The following AP3B1 variants were observed in gnomAD, a reference collection of about 807,000 sequenced individuals.
AP3B1 encodes the protein adaptor related protein complex 3 subunit beta 1.
In AP3B1, 61 loss-of-function variants were observed where a neutral mutation model predicts 132.5. The observed-to-expected ratio is 0.46, with a 90% confidence interval of 0.37 to 0.57. The LOEUF (loss-of-function observed/expected upper bound fraction) is 0.57, where lower values mean the gene tolerates loss of function less well. AP3B1 is among the 20% of genes least tolerant of loss of function. The pLI, the probability that AP3B1 is intolerant of heterozygous loss-of-function variation, is 0.00. For missense variants in AP3B1, 1,120 were observed against 1,289.4 expected (o/e 0.87, Z 2.01); for synonymous variants, 388 against 438.3 (o/e 0.89, Z 1.43).
At chr5:78,249,275 G>C (rs1290582926) in intron 2 of AP3B1, among the ~76,000 whole-genome samples, 2 of 152,132 alleles carry the variant, frequency 1.3e-5, no homozygotes, top group Non-Finnish European at 2.9e-5. Flanking sequence ...ACTGAAGCAG[G>C]AGAAGCTTGA....
At chr5:78,228,971 C>T (rs542186982) in intron 3 of AP3B1, among the ~76,000 whole-genome samples, 3 of 152,236 alleles carry the variant, frequency 2.0e-5, no homozygotes, top group South Asian at 2.1e-4. Context: ...CTTGCTTTGT[C>T]GCACAGGGTG....
At chr5:78,083,069 G>A (rs995632405) in intron 22 of AP3B1, among the ~76,000 whole-genome samples, 1 of 152,078 alleles carries the variant, frequency 6.6e-6, no homozygotes, top group East Asian at 1.9e-4. Flanking sequence ...CACCTGCCTC[G>A]GCCTCCCAAA....
At position 78,123,988 on chromosome 5, in the gene AP3B1, T is replaced by C. The variant is rs186553443; in HGVS notation, c.1968+4042A>G. ...GACAGACTGGATTAAGAAAATGTGG[T>C]ACATATACACCATAGAATACTATGC... On this transcript the variant is annotated intron_variant, in intron 17 of 26. Coordinates refer to ENST00000255194, the MANE Select transcript of AP3B1 (RefSeq NM_003664.5). 4.7e-4 allele frequency among the ~76,000 whole-genome samples: 71 copies of C among 152,216 alleles called. 1 individual carries two copies. In the East Asian group the frequency reaches 0.013, roughly 29 times the overall value.
At chr5:78,163,591 GTA>G (rs143965118) in intron 12 of AP3B1, among the ~76,000 whole-genome samples, 12,721 of 145,582 alleles carry the variant, frequency 0.087, 778 homozygotes, top group African/African-American at 0.17. Context: ...GTGTGTGTGT[GTA>G]TATATATATA....
chr5:78,050,248 T>C (rs1185952388), intron 22 of AP3B1, among the ~76,000 whole-genome samples: 5 of 152,204 alleles, frequency 3.3e-5, no homozygotes, highest in Non-Finnish European at 7.3e-5. Context: ...TCCTTTTTTA[T>C]AGACACTTAA....
intron 17 of AP3B1, among the ~76,000 whole-genome samples, chr5:78,121,314 G>A (rs1162528947): frequency 6.6e-6 from 1 of 152,050 alleles, no homozygotes; most frequent in Admixed American, 6.6e-5. Context: ...ACATTCAAAA[G>A]CTAGCAGAAG....
intron 22 of AP3B1, among the ~76,000 whole-genome samples, chr5:78,041,590 C>A (rs1273589738): frequency 6.6e-6 from 1 of 151,426 alleles, no homozygotes; most frequent in East Asian, 1.9e-4. Context: ...AAATAATAAT[C>A]ATAAAAATTT....
intron 20 of AP3B1, among the ~76,000 whole-genome samples, chr5:78,104,012 A>G (rs1751232175): frequency 1.3e-5 from 2 of 152,282 alleles, no homozygotes; most frequent in African/African-American, 4.8e-5. Context: ...TCAAATATGC[A>G]TTCTAAGAGG....
rs191235603 is a variant in AP3B1 at position 78,240,408 on chromosome 5, T to C, written c.279+454A>G. Among the ~76,000 whole-genome samples the C allele has an allele frequency of 4.2e-3, 640 of 152,302 alleles. 8 individuals are homozygous for C. The highest frequency in any genetic ancestry group is 0.015 in the African/African-American group (613 of 41,560). On this transcript the variant is annotated intron_variant, in intron 3 of 26. Transcript: ENST00000255194. ...TGTTCATTCAATAAATCCACATATA[T>C]GTACTGAGTGCTTAGTACATGTCAT...
chr5:78,124,979 T>A (rs1369742808), intron 17 of AP3B1, among the ~76,000 whole-genome samples: 3 of 152,152 alleles, frequency 2.0e-5, no homozygotes, highest in African/African-American at 7.2e-5. Context: ...AAAAGTATCT[T>A]AATTTGTATT....
In AP3B1 at chr5:78,212,369, C is replaced by T. The variant is rs149402568; in HGVS notation, c.786+3686G>A. On this transcript the variant is annotated intron_variant, in intron 7 of 26. Transcript: ENST00000255194. ...ATCACAGTATTATTTTTCACATTTTCTCTTAGTATCTGAGAGAAAACTGCT... is the reference window on the plus strand; with the variant it reads ...ATCACAGTATTATTTTTCACATTTTTTCTTAGTATCTGAGAGAAAACTGCT... 4.2e-3 allele frequency among the ~76,000 whole-genome samples: 640 copies of T among 152,244 alleles called. 3 individuals carry two copies. The highest frequency in any genetic ancestry group is 7.2e-3 in the Non-Finnish European group (492 of 68,012).
At chr5:78,202,608 T>C (rs917363448) in intron 7 of AP3B1, among the ~76,000 whole-genome samples, 1 of 149,720 alleles carries the variant, frequency 6.7e-6, no homozygotes, top group Admixed American at 6.7e-5. Flanking sequence ...TGCAGGAGTA[T>C]GGTAATACCT....
chr5:78,109,460 A>G (rs1301549573), intron 20 of AP3B1, among the ~76,000 whole-genome samples: 2 of 152,166 alleles, frequency 1.3e-5, no homozygotes, highest in African/African-American at 4.8e-5. Context: ...GAGTTTGGCC[A>G]TATTTTCAAC....
chr5:78,231,420 C>G (rs566618576), intron 3 of AP3B1, among the ~76,000 whole-genome samples: 1 of 152,130 alleles, frequency 6.6e-6, no homozygotes, highest in African/African-American at 2.4e-5. Flanking sequence ...GTGATCTGCC[C>G]GCCTCGGCCT....
At chr5:78,074,067 T>A (rs965004410) in intron 22 of AP3B1, among the ~76,000 whole-genome samples, 6 of 152,188 alleles carry the variant, frequency 3.9e-5, no homozygotes, top group Non-Finnish European at 8.8e-5. Context: ...ACTAACATTA[T>A]GAGTACTATC....
intron 11 of AP3B1, among the ~76,000 whole-genome samples, chr5:78,169,947 G>A (rs768678907): frequency 4.0e-5 from 6 of 151,778 alleles, no homozygotes; most frequent in African/African-American, 7.3e-5. Flanking sequence ...TGATGTTCCC[G>A]GCCCTGTGTC....
intron 20 of AP3B1, among the ~76,000 whole-genome samples, chr5:78,106,389 T>C (rs1751335691): frequency 6.6e-6 from 1 of 151,862 alleles, no homozygotes. Flanking sequence ...GACTTGGAGG[T>C]CGAAGCTGCA....
intron 20 of AP3B1, chr5:78,101,420 C>A: frequency 2.5e-6 from 1 of 396,314 alleles, no homozygotes; most frequent in South Asian, 2.0e-5. Context: ...ATGCATAGCT[C>A]AGATATTTTT....
intron 17 of AP3B1, among the ~76,000 whole-genome samples, chr5:78,124,519 G>A (rs1752381058): frequency 6.6e-6 from 1 of 152,132 alleles, no homozygotes. Context: ...AGGCTGCAGT[G>A]AGCTATGATC....
Sources: allele counts gnomAD v4.1 joint callset (sites outside exome capture counted in the v4.1 genomes callset), GRCh38; gene constraint gnomAD v4.1.1; transcripts MANE v1.5; gene names NCBI Gene and HGNC (gene_info 2026-07-23, HGNC 2026-07-21).